BTG3: variants seen among roughly 807,000 people sequenced by gnomAD.
BTG3 encodes the protein protein BTG3.
A neutral mutation model predicts 25.8 loss-of-function variants in BTG3; 4 were observed. The observed-to-expected ratio is 0.16, with a 90% CI of 0.08 to 0.36. BTG3 has a LOEUF of 0.36. BTG3 is among the 10% of genes least tolerant of loss of function. BTG3 has a pLI of 1.00. For missense variants in BTG3, 201 were observed against 304.9 expected, an observed-to-expected ratio of 0.66 and a Z score of 2.54; for synonymous variants, 107 against 99.9, an observed-to-expected ratio of 1.07 and a Z score of -0.42.
At chr21:17,594,587 A>G (rs1355480808) in intron 4 of BTG3, among the ~76,000 whole-genome samples, 1 of 152,078 alleles carries the variant, frequency 6.6e-6, no homozygotes, top group Non-Finnish European at 1.5e-5. Flanking sequence ...AACTTCAACC[A>G]AAAAAGACCA....
intron 1 of BTG3, 53 bp from the exon 2 acceptor site, chr21:17,609,205 G>T: frequency 6.5e-7 from 1 of 1,545,168 alleles, no homozygotes. Context: ...AAACTGGGAA[G>T]ATGAAGCTCT....
chr21:17,603,562 G>A (rs553163876), intron 3 of BTG3, among the ~76,000 whole-genome samples: 1 of 152,150 alleles, frequency 6.6e-6, no homozygotes, highest in Non-Finnish European at 1.5e-5. Flanking sequence ...GACCACCTTA[G>A]GAGTACATAG....
intron 3 of BTG3, among the ~76,000 whole-genome samples, chr21:17,600,901 T>G (rs922887461): frequency 6.6e-6 from 1 of 152,230 alleles, no homozygotes; most frequent in African/African-American, 2.4e-5. Flanking sequence ...CGGTGGCTCA[T>G]GCCTGTAATC....
At chr21:17,604,815 GT>G (rs1182259261) in intron 3 of BTG3, 44 bp downstream of exon 3, 1 of 1,585,302 alleles carries the variant, frequency 6.3e-7, no homozygotes, top group African/African-American at 1.4e-5. Flanking sequence ...CATAAAATTA[GT>G]TCCAGCATGG....
At chr21:17,594,411 A>C in intron 4 of BTG3, 79 bp from the exon 5 acceptor site, 1 of 1,386,730 alleles carries the variant, frequency 7.2e-7, no homozygotes, top group South Asian at 1.4e-5. Context: ...TTAAAGACAA[A>C]CAAAGTTACC....
At position 17,609,228 on chromosome 21, in the gene BTG3, T is replaced by TC. The variant is rs2123479089; in HGVS notation, c.-8-77dup. Reference sequence around the variant, plus strand: ...AAGATGAAGCTCTGTAAGATATACCTCCTTTACAGCTCTCCCCTTCCTCCT... The same window carrying TC: ...AAGATGAAGCTCTGTAAGATATACCTCCCTTTACAGCTCTCCCCTTCCTCCT... On this transcript the variant is annotated intron_variant, in intron 1 of 4. Coordinates refer to ENST00000348354, the MANE Select transcript of BTG3 (RefSeq NM_006806.5). 2.2e-6 allele frequency: 3 copies of TC among 1,373,126 alleles called. No homozygotes were observed. The South Asian group carries it at 4.2e-5, about 19-fold the overall frequency. 85.1% of individuals were successfully genotyped at this position (1,373,126 alleles called of 1,614,324 possible). A position where few individuals can be genotyped will look rare whatever the true frequency, so the allele number is the denominator to read the frequency against.
chr21:17,595,388 C>T (rs1398531855), intron 4 of BTG3, among the ~76,000 whole-genome samples: 1 of 151,902 alleles, frequency 6.6e-6, no homozygotes, highest in African/African-American at 2.4e-5. Context: ...TGGAAAGTCC[C>T]TCTTTTTTTA....
Position 17,607,920 on chromosome 21 carries a change from C to G in BTG3, c.173+1052G>C, listed in dbSNP as rs1358221469. Among the ~76,000 whole-genome samples the G allele has an allele frequency of 3.3e-5, 5 of 152,218 alleles. No homozygotes were observed. The East Asian group carries it at 9.6e-4, about 29-fold the overall frequency. On this transcript the variant is annotated intron_variant, in intron 2 of 4. Coordinates refer to ENST00000348354, the MANE Select transcript of BTG3 (RefSeq NM_006806.5). ...GCATGTTTTATAGGAGTCTGCTCTT[C>G]TTTACTTTAAGCTGTAAATGTACCT...
rs958397948 is a variant in BTG3, at chr21:17,593,823, CAG to C, written c.*268_*269del. ...ACTTCTACAGTGTTCTCGTATCCAA[CAG>C]AGTTGATGCACAATATATAAATACT... is the stretch of plus-strand genomic sequence containing the variant. On this transcript the variant is annotated 3_prime_UTR_variant, in exon 5 of 5. Coordinates refer to ENST00000348354, the MANE Select transcript of BTG3 (RefSeq NM_006806.5). 3 of 385,804 alleles carry C rather than the reference CAG, an allele frequency of 7.8e-6. No individual in the cohort carries two copies. Among genetic ancestry groups the C allele is most frequent in the Non-Finnish European group, 9.2e-6 (2 of 217,686 alleles). The allele number at this position is 385,804 out of a possible 1,614,324, so 23.9% of individuals were successfully genotyped here. A position where few individuals can be genotyped will look rare whatever the true frequency, so the allele number is the denominator to read the frequency against.
rs2061589944 is a variant in BTG3, at chr21:17,602,732, C to G, written c.311+2128G>C. On this transcript the variant is annotated intron_variant, in intron 3 of 4. Coordinates refer to ENST00000348354, the MANE Select transcript of BTG3 (RefSeq NM_006806.5). ...GATTAATAAGATGAAAGCAAAGTAG[C>G]AGTTTTTTCCTACCAGGCATCATCA... Among the ~76,000 whole-genome samples, 4 of 152,214 alleles carry G rather than the reference C, an allele frequency of 2.6e-5. No homozygotes were observed. In the South Asian group the frequency reaches 8.3e-4, roughly 32 times the overall value.
intron 4 of BTG3, 45 bp from the exon 5 acceptor site, chr21:17,594,377 A>G: frequency 6.4e-7 from 1 of 1,571,896 alleles, no homozygotes; most frequent in Non-Finnish European, 8.6e-7. Context: ...GGAAAAAATC[A>G]TCATCTATGT....
At chr21:17,597,634 TA>T (rs1416358991) in intron 4 of BTG3, among the ~76,000 whole-genome samples, 1 of 151,972 alleles carries the variant, frequency 6.6e-6, no homozygotes. Flanking sequence ...GTTATATACA[TA>T]TACATATACA....
At chr21:17,604,804 T>A in intron 3 of BTG3, 56 bp downstream of exon 3, 1 of 1,572,652 alleles carries the variant, frequency 6.4e-7, no homozygotes, top group Non-Finnish European at 8.6e-7. Flanking sequence ...TGACAGAATG[T>A]CATAAAATTA....
intron 2 of BTG3, among the ~76,000 whole-genome samples, chr21:17,608,026 T>G (rs1356548960): frequency 1.3e-5 from 2 of 152,218 alleles, no homozygotes; most frequent in African/African-American, 4.8e-5. Flanking sequence ...CACTGTGGTG[T>G]GCAGAAAGCC....
At position 17,608,978 on chromosome 21, in the gene BTG3, G is replaced by T; in HGVS notation, c.167C>A (p.Ala56Asp). ...ATCCAATCTAATCCTTTACCTGTAG[G>T]CCTGTCCTTTCGATGGTTTTTCTGG... is the stretch of plus-strand genomic sequence containing the variant. Reference protein sequence around the residue: ...WYPEKPSKGQAYRCIRVNKFQ... With the variant: ...WYPEKPSKGQDYRCIRVNKFQ... Residue 56 changes from alanine to aspartate, a missense_variant, in exon 2 of 5, where the codon GCC becomes GAC. Coordinates refer to ENST00000348354, the MANE Select transcript of BTG3 (RefSeq NM_006806.5). The T allele has an allele frequency of 6.2e-7, 1 of 1,613,140 alleles. No homozygotes were observed. Among genetic ancestry groups the T allele is most frequent in the Non-Finnish European group, 8.5e-7 (1 of 1,179,760 alleles).
intron 2 of BTG3, among the ~76,000 whole-genome samples, chr21:17,608,373 CA>C (rs36108840): frequency 1.8e-4 from 25 of 137,146 alleles, no homozygotes; most frequent in East Asian, 2.1e-4. Flanking sequence ...AACAATACCA[CA>C]AAAAAAAAAA....
At chr21:17,596,828 G>A (rs1397320507) in intron 4 of BTG3, among the ~76,000 whole-genome samples, 2 of 152,038 alleles carry the variant, frequency 1.3e-5, no homozygotes, top group Non-Finnish European at 2.9e-5. Context: ...TATTTCAGGA[G>A]AACTGACACA....
At position 17,598,676 on chromosome 21, in the gene BTG3, T is replaced by G. The variant is rs1040590006; in HGVS notation, c.460A>C (p.Ser154Arg). The G allele has an allele frequency of 6.2e-7, 1 of 1,613,998 alleles. No homozygotes were observed. Among genetic ancestry groups the G allele is most frequent in the Non-Finnish European group, 8.5e-7 (1 of 1,180,028 alleles). ...SGSSSSDEET[S>R]KEMEVKPSSV... ...CTGGGTTTCACTTCCATTTCCTTAC[T>G]TGTTTCTTCATCTGAAGAAGAGGAT... is the stretch of plus-strand genomic sequence containing the variant. Residue 154 changes from serine (S) to arginine (R), a missense_variant, in exon 4 of 5, where the codon AGT becomes CGT. By Grantham distance (110) the Ser-to-Arg change is moderately radical. Transcript: ENST00000348354.
At chr21:17,604,261 T>C (rs561900607) in intron 3 of BTG3, 46 of 341,252 alleles carry the variant, frequency 1.3e-4, no homozygotes, top group Admixed American at 5.1e-4. Context: ...GCCAACATGG[T>C]GAAACCCCAT....
Sources: gnomAD v4.1 joint callset for allele counts (sites outside exome capture counted in the v4.1 genomes callset) on GRCh38, gnomAD v4.1.1 for gene constraint, MANE v1.5 for transcripts, NCBI Gene and HGNC (gene_info 2026-07-23, HGNC 2026-07-21) for gene names.